TRHDE: variants seen among roughly 807,000 people sequenced by gnomAD.
The protein encoded by TRHDE is thyrotropin-releasing hormone-degrading ectoenzyme.
In TRHDE, 72 loss-of-function variants were observed where a neutral mutation model predicts 125.7. That is an observed-to-expected ratio of 0.57 (90% CI 0.47 to 0.70). The LOEUF is 0.70. Among genes scored for constraint, TRHDE ranks in the 30% least tolerant of loss-of-function variants. TRHDE has a pLI of 0.00. For missense variants in TRHDE, 1,110 were observed against 1,327.1 expected (o/e 0.84, Z 2.54); for synonymous variants, 509 against 509.1 (o/e 1.00, Z 0.00).
chr12:72,088,571 T>C (rs973393736), intron 1 of TRHDE, among the ~76,000 whole-genome samples: 1 of 151,988 alleles, frequency 6.6e-6, no homozygotes, highest in Non-Finnish European at 1.5e-5. Context: ...TAGAGCTGTG[T>C]GATCCTCAGC....
chr12:72,326,200 T>G (rs1467839912), intron 2 of TRHDE, among the ~76,000 whole-genome samples: 2 of 152,174 alleles, frequency 1.3e-5, no homozygotes, highest in African/African-American at 2.4e-5. Flanking sequence ...AAAAGACAAA[T>G]CCTATATTTC....
At chr12:72,252,326 TTC>T (rs1010881091) in intron 2 of TRHDE, among the ~76,000 whole-genome samples, 3 of 152,118 alleles carry the variant, frequency 2.0e-5, no homozygotes, top group African/African-American at 7.2e-5. Flanking sequence ...AAGGTTGATG[TTC>T]TCTTTTTCTT....
intron 2 of TRHDE, among the ~76,000 whole-genome samples, chr12:72,206,680 A>T (rs941203136): frequency 1.3e-5 from 2 of 152,068 alleles, no homozygotes; most frequent in Non-Finnish European, 2.9e-5. Context: ...CCCTTTTCCC[A>T]TGGAATTCTA....
chr12:72,519,066 G>A (rs1879038483), intron 6 of TRHDE, among the ~76,000 whole-genome samples: 2 of 152,080 alleles, frequency 1.3e-5, no homozygotes, highest in Non-Finnish European at 2.9e-5. Context: ...TTTCCCTCTG[G>A]CTGCCCTTAA....
At chr12:72,627,131 C>A (rs1264402844) in intron 15 of TRHDE, among the ~76,000 whole-genome samples, 2 of 151,812 alleles carry the variant, frequency 1.3e-5, no homozygotes, top group Non-Finnish European at 2.9e-5. Flanking sequence ...ATTAGCTTGT[C>A]CTTTGTCATT....
At chr12:72,573,680 C>T (rs1592546359) in intron 10 of TRHDE, among the ~76,000 whole-genome samples, 1 of 151,886 alleles carries the variant, frequency 6.6e-6, no homozygotes, top group Non-Finnish European at 1.5e-5. Flanking sequence ...GAATATAGTA[C>T]TCTAATTCTT....
At chr12:72,598,357 A>G (rs1473307814) in intron 12 of TRHDE, among the ~76,000 whole-genome samples, 2 of 152,200 alleles carry the variant, frequency 1.3e-5, no homozygotes, top group Non-Finnish European at 2.9e-5. Context: ...TCTTCTTTAT[A>G]TTAAATGAAA....
chr12:72,282,784 T>G (rs1485411784), intron 1 of TRHDE, among the ~76,000 whole-genome samples: 1 of 152,240 alleles, frequency 6.6e-6, no homozygotes, highest in Non-Finnish European at 1.5e-5. Context: ...TTATGCTTTC[T>G]TCTTCATAAA....
chr12:72,649,913 C>G (rs973974636), intron 15 of TRHDE, among the ~76,000 whole-genome samples: 4 of 152,024 alleles, frequency 2.6e-5, no homozygotes, highest in Non-Finnish European at 4.4e-5. Context: ...AAATCAATAC[C>G]CTTCCATACT....
intron 3 of TRHDE, among the ~76,000 whole-genome samples, chr12:72,385,998 A>C (rs1038317177): frequency 3.3e-5 from 5 of 152,208 alleles, no homozygotes; most frequent in African/African-American, 1.2e-4. Context: ...CTACGTGTAC[A>C]TTGTGCTCAG....
At chr12:72,481,629 G>A (rs970296527) in intron 5 of TRHDE, among the ~76,000 whole-genome samples, 1 of 151,272 alleles carries the variant, frequency 6.6e-6, no homozygotes, top group South Asian at 2.1e-4. Context: ...TGCCATTCAG[G>A]CAGCTCTTCT....
chr12:72,460,920 CA>C (rs1423212722), intron 3 of TRHDE, among the ~76,000 whole-genome samples: 9 of 151,902 alleles, frequency 5.9e-5, no homozygotes, highest in Admixed American at 5.9e-4. Context: ...AAGCCTTTTT[CA>C]GGGAAAAAGG....
chr12:72,471,761 A>G (rs1310232304), intron 4 of TRHDE, among the ~76,000 whole-genome samples: 2 of 152,192 alleles, frequency 1.3e-5, no homozygotes, highest in African/African-American at 2.4e-5. Flanking sequence ...TTGTATTTCA[A>G]TGAGAGATCC....
intron 3 of TRHDE, among the ~76,000 whole-genome samples, chr12:72,462,638 A>C (rs532387518): frequency 6.6e-6 from 1 of 152,258 alleles, no homozygotes; most frequent in African/African-American, 2.4e-5. Flanking sequence ...AGTTAAGATT[A>C]AAACTGCCCT....
At chr12:72,290,769 AG>A (rs1880057586) in intron 2 of TRHDE, among the ~76,000 whole-genome samples, 1 of 152,214 alleles carries the variant, frequency 6.6e-6, no homozygotes, top group South Asian at 2.1e-4. Context: ...TGATGGCCTT[AG>A]GATGGTTGGC....
chr12:72,209,980 C>A (rs995426916), intron 2 of TRHDE, among the ~76,000 whole-genome samples: 1 of 151,626 alleles, frequency 6.6e-6, no homozygotes, highest in Admixed American at 6.6e-5. Context: ...ATTGTTGAGG[C>A]CTAAAAAAGA....
At chr12:72,537,715 C>A (rs1314317285) in intron 6 of TRHDE, among the ~76,000 whole-genome samples, 1 of 152,034 alleles carries the variant, frequency 6.6e-6, no homozygotes, top group East Asian at 1.9e-4. Context: ...CTTTCCAACT[C>A]ATGTTATCTT....
At chr12:72,141,989 T>C (rs968594947) in intron 2 of TRHDE, among the ~76,000 whole-genome samples, 2 of 150,874 alleles carry the variant, frequency 1.3e-5, no homozygotes. Context: ...TAATTAAAGG[T>C]AGGCCCCAGG....
chr12:72,166,506 A>T (rs1160830863), intron 2 of TRHDE, among the ~76,000 whole-genome samples: 1 of 152,208 alleles, frequency 6.6e-6, no homozygotes, highest in Non-Finnish European at 1.5e-5. Context: ...GGGACTAGAT[A>T]TCTATATGAG....
Sources: gnomAD v4.1 joint callset for allele counts (sites outside exome capture counted in the v4.1 genomes callset) on GRCh38, gnomAD v4.1.1 for gene constraint, MANE v1.5 for transcripts, NCBI Gene and HGNC (gene_info 2026-07-23, HGNC 2026-07-21) for gene names.